The following GALNT10 variants were observed in gnomAD, a reference collection of about 807,000 sequenced individuals.
The protein encoded by GALNT10 is polypeptide N-acetylgalactosaminyltransferase 10, also known as GalNAc transferase 10.
In GALNT10, 41 loss-of-function variants were observed where a neutral mutation model predicts 75.0. The observed-to-expected ratio is 0.55, with a 90% CI of 0.43 to 0.71. GALNT10 has a LOEUF of 0.71. Among genes scored for constraint, GALNT10 ranks in the 30% least tolerant of loss-of-function variants. GALNT10 has a pLI of 0.00. For synonymous variants in GALNT10, 302 were observed against 313.0 expected, an observed-to-expected ratio of 0.96 and a Z score of 0.37; for missense variants, 727 against 818.5, an observed-to-expected ratio of 0.89 and a Z score of 1.36.
chr5:154,338,952 A>G (rs1015664056), intron 4 of GALNT10, among the ~76,000 whole-genome samples: 1 of 152,236 alleles, frequency 6.6e-6, no homozygotes, highest in Non-Finnish European at 1.5e-5. Flanking sequence ...GCCAATAAGC[A>G]TGGCACAAGG....
At chr5:154,367,735 G>A (rs1755497890) in intron 4 of GALNT10, among the ~76,000 whole-genome samples, 2 of 152,072 alleles carry the variant, frequency 1.3e-5, no homozygotes, top group South Asian at 2.1e-4. Flanking sequence ...GCGGGCACCT[G>A]TAGTCCCCGC....
At chr5:154,414,910 G>A (rs973712119) in intron 10 of GALNT10, among the ~76,000 whole-genome samples, 34 of 152,138 alleles carry the variant, frequency 2.2e-4, no homozygotes, top group African/African-American at 8.0e-4. Context: ...GATCACCTGA[G>A]GTTAGGAGTC....
chr5:154,301,643 C>G (rs1754361201), intron 3 of GALNT10, among the ~76,000 whole-genome samples: 1 of 151,758 alleles, frequency 6.6e-6, no homozygotes, highest in African/African-American at 2.4e-5. Context: ...ATCCTCTTGC[C>G]TCAGCCTCCT....
intron 7 of GALNT10, chr5:154,387,953 G>A (rs1191023433): frequency 6.7e-6 from 1 of 148,500 alleles, no homozygotes; most frequent in East Asian, 2.0e-4. Flanking sequence ...TGCCCAGGCT[G>A]GAGTGCAGTA....
At chr5:154,240,784 T>C (rs908542427) in intron 1 of GALNT10, among the ~76,000 whole-genome samples, 2 of 152,096 alleles carry the variant, frequency 1.3e-5, no homozygotes, top group East Asian at 3.9e-4. Flanking sequence ...ACAAAACCAA[T>C]GAGAAGGTGC....
At chr5:154,279,499 C>T (rs912661468) in intron 1 of GALNT10, among the ~76,000 whole-genome samples, 1 of 151,908 alleles carries the variant, frequency 6.6e-6, no homozygotes. Context: ...GACGGGGTTT[C>T]ACCATGTTGG....
At chr5:154,301,143 C>T (rs1196790444) in intron 3 of GALNT10, among the ~76,000 whole-genome samples, 1 of 152,152 alleles carries the variant, frequency 6.6e-6, no homozygotes, top group African/African-American at 2.4e-5. Flanking sequence ...CAATAGAATT[C>T]AGGGGAGTCT....
chr5:154,410,716 G>A (rs747051974), intron 9 of GALNT10, among the ~76,000 whole-genome samples: 14 of 152,142 alleles, frequency 9.2e-5, no homozygotes, highest in South Asian at 2.1e-4. Context: ...AGCGAGTTCC[G>A]GTTTGAAGGG....
chr5:154,309,840 ATTTGTGTT>A (rs1465601556), intron 3 of GALNT10, among the ~76,000 whole-genome samples: 1 of 152,184 alleles, frequency 6.6e-6, no homozygotes, highest in Non-Finnish European at 1.5e-5. Flanking sequence ...AAATGATCTC[ATTTGTGTT>A]GTGAAAAATG....
At chr5:154,230,049 G>A (rs1561635528) in intron 1 of GALNT10, among the ~76,000 whole-genome samples, 1 of 151,634 alleles carries the variant, frequency 6.6e-6, no homozygotes, top group East Asian at 1.9e-4. Flanking sequence ...TGGGAAAAAG[G>A]CAGTGTTCCC....
intron 3 of GALNT10, among the ~76,000 whole-genome samples, chr5:154,302,593 T>A (rs1012861317): frequency 6.6e-6 from 1 of 152,194 alleles, no homozygotes; most frequent in Non-Finnish European, 1.5e-5. Flanking sequence ...CCAGGTTAGG[T>A]GGTCAGTTTC....
At chr5:154,243,161 C>T (rs1250527401) in intron 1 of GALNT10, among the ~76,000 whole-genome samples, 1 of 152,124 alleles carries the variant, frequency 6.6e-6, no homozygotes, top group Non-Finnish European at 1.5e-5. Flanking sequence ...GATGGGGTCT[C>T]AACTTATCTT....
At chr5:154,259,303 A>G (rs1753663014) in intron 1 of GALNT10, among the ~76,000 whole-genome samples, 1 of 152,138 alleles carries the variant, frequency 6.6e-6, no homozygotes, top group Admixed American at 6.5e-5. Context: ...TCTCATGATT[A>G]ATTTGACACA....
intron 3 of GALNT10, among the ~76,000 whole-genome samples, chr5:154,314,349 C>T (rs145141133): frequency 1.3e-5 from 2 of 152,192 alleles, no homozygotes; most frequent in African/African-American, 4.8e-5. Flanking sequence ...AAGTGCCCTT[C>T]CTAGAATTCT....
chr5:154,294,829 G>T lies in GALNT10; in HGVS notation c.173G>T (p.Arg58Leu), dbSNP rs370969922. 23 of 1,591,234 alleles carry T rather than the reference G, an allele frequency of 1.4e-5. No homozygotes were observed. Among genetic ancestry groups the T allele is most frequent in the Admixed American group, 1.7e-5 (1 of 59,936 alleles). The change falls in exon 2 of 12, where the codon CGA (arginine) becomes CTA (leucine). Residue 58 changes from arginine to leucine, a missense_variant. By Grantham distance (102) the Arg-to-Leu change is moderately radical. Transcript: ENST00000297107. ...APAAGQGSHSRQKKTFFLGDG... is the reference protein window; with the variant it reads ...APAAGQGSHSLQKKTFFLGDG... The stretch of plus-strand genomic sequence containing the variant: ...TCTTTTTTTAAGGGCTCACACAGTC[G>T]ACAAAAGAAAACGTTTTTCTTGGGA...
chr5:154,270,947 G>A (rs1365263030), intron 1 of GALNT10, among the ~76,000 whole-genome samples: 3 of 132,314 alleles, frequency 2.3e-5, no homozygotes, highest in Non-Finnish European at 4.6e-5. Context: ...TGAGCCGAGA[G>A]CACATCACTG....
chr5:154,321,788 G>T (rs1487894092), intron 3 of GALNT10, among the ~76,000 whole-genome samples: 3 of 121,260 alleles, frequency 2.5e-5, no homozygotes, highest in African/African-American at 7.5e-5. Flanking sequence ...AGTGTCTGGA[G>T]AGCACCTGCC....
At chr5:154,322,911 G>A (rs1754696652) in intron 3 of GALNT10, among the ~76,000 whole-genome samples, 1 of 152,172 alleles carries the variant, frequency 6.6e-6, no homozygotes, top group Non-Finnish European at 1.5e-5. Flanking sequence ...TTGAACTCTG[G>A]TATCATTTAT....
At chr5:154,374,141 C>A (rs1381718216) in intron 4 of GALNT10, among the ~76,000 whole-genome samples, 2 of 152,062 alleles carry the variant, frequency 1.3e-5, no homozygotes, top group African/African-American at 4.8e-5. Flanking sequence ...TGTCTTGTTG[C>A]CCAAGAAAGT....
Sources: gnomAD v4.1 joint callset for allele counts (sites outside exome capture counted in the v4.1 genomes callset) on GRCh38, gnomAD v4.1.1 for gene constraint, MANE v1.5 for transcripts, NCBI Gene and HGNC (gene_info 2026-07-23, HGNC 2026-07-21) for gene names.